SLCO5A1: variants seen among roughly 807,000 people sequenced by gnomAD.
The protein encoded by SLCO5A1 is solute carrier organic anion transporter family member 5A1.
A neutral mutation model predicts 65.1 loss-of-function variants in SLCO5A1; 39 were observed. The observed-to-expected ratio is 0.60, with a 90% CI of 0.46 to 0.78. The LOEUF (loss-of-function observed/expected upper bound fraction) is 0.78, where lower values mean the gene tolerates loss of function less well. SLCO5A1 is among the 30% of genes least tolerant of loss of function. SLCO5A1 has a pLI of 0.00. For missense variants in SLCO5A1, 1,029 were observed against 1,069.4 expected, an observed-to-expected ratio of 0.96 and a Z score of 0.53; for synonymous variants, 438 against 415.7, an observed-to-expected ratio of 1.05 and a Z score of -0.65.
Position 69,672,173 on chromosome 8 carries a change from G to C in SLCO5A1, c.*696C>G, listed in dbSNP as rs1333124566. ...TCAGCAGCCTCTTTATCTTAGGATG[G>C]GGCAGGCAGACTGAAAGAGAATGTG... is the stretch of plus-strand genomic sequence containing the variant. On this transcript the variant is annotated 3_prime_UTR_variant, in exon 10 of 10. Coordinates refer to ENST00000260126, the MANE Select transcript of SLCO5A1 (RefSeq NM_030958.3). 6.6e-6 allele frequency: 1 copy of C among 152,188 alleles called. No individual in the cohort carries two copies. Among genetic ancestry groups the C allele is most frequent in the Non-Finnish European group, 1.5e-5 (1 of 68,074 alleles). The allele number at this position is 152,188 out of a possible 1,614,324, so 9.4% of individuals were successfully genotyped here.
chr8:69,830,687 G>A (rs1264365458), intron 2 of SLCO5A1, among the ~76,000 whole-genome samples: 1 of 152,140 alleles, frequency 6.6e-6, no homozygotes, highest in Non-Finnish European at 1.5e-5. Flanking sequence ...CAAATTTCTA[G>A]GATGTAAATT....
intron 2 of SLCO5A1, among the ~76,000 whole-genome samples, chr8:69,765,353 T>C (rs767934149): frequency 1.8e-4 from 28 of 151,878 alleles, no homozygotes; most frequent in Non-Finnish European, 3.4e-4. Flanking sequence ...TATATAAGAA[T>C]GTGTGTATAT....
At chr8:69,715,016 A>G (rs1275896044) in intron 5 of SLCO5A1, 1 of 152,252 alleles carries the variant, frequency 6.6e-6, no homozygotes, top group African/African-American at 2.4e-5. Context: ...ATAAAAGAGA[A>G]TGCTGAGCTG....
chr8:69,738,117 G>A lies in SLCO5A1; in HGVS notation c.1346C>T (p.Thr449Ile). The A allele has an allele frequency of 6.2e-7, 1 of 1,613,988 alleles. No individual in the cohort carries two copies. The highest frequency in any genetic ancestry group is 8.5e-7 in the Non-Finnish European group (1 of 1,179,916). The change falls in exon 5 of 10, where the codon ACT becomes ATT. Residue 449 changes from threonine to isoleucine, a missense_variant. Transcript: ENST00000260126. ...CTTGGGAATGAAGGTAATGAAAGCA[G>A]TTACAATGGCACTCTCAGCTGTGTA... is the stretch of plus-strand genomic sequence containing the variant. Reference protein sequence around the residue: ...LSYTAESAIVTAFITFIPKFI... With the variant: ...LSYTAESAIVIAFITFIPKFI...
intron 2 of SLCO5A1, chr8:69,794,676 G>C: frequency 3.2e-6 from 1 of 314,908 alleles, no homozygotes; most frequent in South Asian, 3.1e-5. Context: ...GTGGCAGATT[G>C]CCTTTGTCCT....
chr8:69,755,527 A>G lies in SLCO5A1; in HGVS notation c.1155T>C (p.Ser385=). 1.2e-6 allele frequency: 2 copies of G among 1,614,142 alleles called. No individual in the cohort carries two copies. The highest frequency in any genetic ancestry group is 1.7e-6 in the Non-Finnish European group (2 of 1,179,990). Residue 385 remains serine (S), a synonymous_variant, in exon 4 of 10, where the codon TCT becomes TCC. Transcript: ENST00000260126. The part of the protein sequence containing the change: ...RHKKKKKKKF[S]VDAVSDDDVL... ...CATCGTCATCACTAACAGCATCAAC[A>G]GAAAATTTTTTCTTTTTCTTTTTCT...
chr8:69,785,589 T>C (rs1302734125), intron 2 of SLCO5A1, among the ~76,000 whole-genome samples: 2 of 152,172 alleles, frequency 1.3e-5, no homozygotes, highest in African/African-American at 4.8e-5. Flanking sequence ...GTTTAGTTAG[T>C]TTGCACTTTG....
rs1816956245 is a variant in SLCO5A1, at chr8:69,744,888, C to T, written c.1259-6684G>A. Among the ~76,000 whole-genome samples the T allele has an allele frequency of 2.0e-5, 3 of 152,206 alleles. No individual in the cohort carries two copies. In the South Asian group the frequency reaches 6.2e-4, roughly 32 times the overall value. ...CTCACTGAAAATAGAAAATTATGCTCCTTTTAAAAGTATGGTTCTTTAATG... is the reference window on the plus strand; with the variant it reads ...CTCACTGAAAATAGAAAATTATGCTTCTTTTAAAAGTATGGTTCTTTAATG... On this transcript the variant is annotated intron_variant, in intron 4 of 9. Transcript: ENST00000260126.
At chr8:69,767,766 T>G (rs181042359) in intron 2 of SLCO5A1, among the ~76,000 whole-genome samples, 2 of 151,660 alleles carry the variant, frequency 1.3e-5, no homozygotes, top group East Asian at 1.9e-4. Flanking sequence ...GGCAGGCACC[T>G]GTAGTCCCAG....
chr8:69,701,597 C>G (rs1814738173), intron 6 of SLCO5A1, among the ~76,000 whole-genome samples: 1 of 152,202 alleles, frequency 6.6e-6, no homozygotes, highest in Non-Finnish European at 1.5e-5. Context: ...TAGATAAACT[C>G]AACCAATTGT....
chr8:69,759,201 C>T (rs1817653346), intron 3 of SLCO5A1, among the ~76,000 whole-genome samples: 1 of 152,114 alleles, frequency 6.6e-6, no homozygotes, highest in Admixed American at 6.5e-5. Context: ...TGCTAGACAT[C>T]GTATAAAATA....
chr8:69,743,331 T>C (rs1425515609), intron 4 of SLCO5A1, among the ~76,000 whole-genome samples: 1 of 152,240 alleles, frequency 6.6e-6, no homozygotes, highest in East Asian at 1.9e-4. Flanking sequence ...AGTCTGTATT[T>C]GATGAAGGTC....
At chr8:69,729,552 T>G (rs1816243585) in intron 5 of SLCO5A1, among the ~76,000 whole-genome samples, 1 of 149,112 alleles carries the variant, frequency 6.7e-6, no homozygotes, top group Non-Finnish European at 1.5e-5. Flanking sequence ...GGCCACTATA[T>G]AAATTTGCTA....
At chr8:69,791,507 C>A (rs1036146929) in intron 2 of SLCO5A1, among the ~76,000 whole-genome samples, 1 of 152,172 alleles carries the variant, frequency 6.6e-6, no homozygotes, top group African/African-American at 2.4e-5. Flanking sequence ...ATATTAAATT[C>A]ATGACAAATA....
Position 69,671,404 on chromosome 8 carries a change from G to C in SLCO5A1, c.*1465C>G, listed in dbSNP as rs1294732871. 6.6e-6 allele frequency: 1 copy of C among 152,166 alleles called. No individual in the cohort carries two copies. Among genetic ancestry groups the C allele is most frequent in the Non-Finnish European group, 1.5e-5 (1 of 68,036 alleles). 9.4% of individuals were successfully genotyped at this position (152,166 alleles called of 1,614,324 possible). A position where few individuals can be genotyped will look rare whatever the true frequency, so the allele number is the denominator to read the frequency against. On this transcript the variant is annotated 3_prime_UTR_variant, in exon 10 of 10. Transcript: ENST00000260126. The stretch of plus-strand genomic sequence containing the variant: ...CTCCATGACCATAGGCTCCTTGGCA[G>C]AAAAAGTTCACAATTATATCAGCAT...
chr8:69,729,128 T>C (rs900192192), intron 5 of SLCO5A1, among the ~76,000 whole-genome samples: 1 of 152,030 alleles, frequency 6.6e-6, no homozygotes, highest in Non-Finnish European at 1.5e-5. Context: ...TGGCCAAAGA[T>C]TGGGCAACTG....
At chr8:69,746,253 T>A (rs746761207) in intron 4 of SLCO5A1, among the ~76,000 whole-genome samples, 1 of 152,168 alleles carries the variant, frequency 6.6e-6, no homozygotes, top group Non-Finnish European at 1.5e-5. Flanking sequence ...AGAAATTTCC[T>A]TAGGATAGAT....
chr8:69,687,796 C>T (rs1441302788), intron 6 of SLCO5A1, among the ~76,000 whole-genome samples: 1 of 151,624 alleles, frequency 6.6e-6, no homozygotes, highest in Non-Finnish European at 1.5e-5. Context: ...CTCCTCCTAA[C>T]ATTACATTAT....
intron 2 of SLCO5A1, among the ~76,000 whole-genome samples, chr8:69,765,853 C>T (rs1160941405): frequency 6.6e-6 from 1 of 152,150 alleles, no homozygotes; most frequent in Non-Finnish European, 1.5e-5. Flanking sequence ...CCTACCTATT[C>T]TTCAAGGTCC....
Sources: gnomAD v4.1 joint callset for allele counts (sites outside exome capture counted in the v4.1 genomes callset) on GRCh38, gnomAD v4.1.1 for gene constraint, MANE v1.5 for transcripts, NCBI Gene and HGNC (gene_info 2026-07-23, HGNC 2026-07-21) for gene names.